Variants in MPP4 observed in about 807,000 individuals in gnomAD.
MPP4 encodes MAGUK p55 scaffold protein 4, also known as MAGUK p55 subfamily member 4.
A neutral mutation model predicts 98.3 loss-of-function variants in MPP4; 91 were observed. The ratio of observed to expected loss-of-function variants is 0.93; its 90% CI spans 0.78 to 1.10. MPP4 has a LOEUF of 1.10. Among genes scored for constraint, MPP4 ranks in the 50% least tolerant of loss-of-function variants. The pLI, the probability that MPP4 is intolerant of heterozygous loss-of-function variation, is 0.00. For synonymous variants in MPP4, 261 were observed against 271.8 expected (o/e 0.96, Z 0.39); for missense variants, 744 against 792.9 (o/e 0.94, Z 0.74).
chr2:201,690,578 A>AGGGTGTCT (rs1182799367), intron 3 of MPP4, among the ~76,000 whole-genome samples: 1 of 152,200 alleles, frequency 6.6e-6, no homozygotes. Flanking sequence ...GAGTGAGGGT[A>AGGGTGTCT]GGGTGTCTGG....
At chr2:201,650,473 C>A in intron 18 of MPP4, 1 of 985,338 alleles carries the variant, frequency 1.0e-6, no homozygotes, top group Non-Finnish European at 1.2e-6. Flanking sequence ...TATGTGTGAA[C>A]CTTTAGATGC....
intron 10 of MPP4, among the ~76,000 whole-genome samples, chr2:201,677,320 C>G (rs187418159): frequency 6.6e-6 from 1 of 152,190 alleles, no homozygotes; most frequent in Admixed American, 6.5e-5. Flanking sequence ...TGGAAAGTCA[C>G]GTCTACTTGC....
intron 18 of MPP4, chr2:201,651,427 T>C: frequency 1.0e-6 from 1 of 985,430 alleles, no homozygotes; most frequent in Non-Finnish European, 1.2e-6. Context: ...ATTATGTCAA[T>C]CTAAACCCAA....
At chr2:201,647,117 C>T (rs981908225) in intron 21 of MPP4, among the ~76,000 whole-genome samples, 10 of 115,456 alleles carry the variant, frequency 8.7e-5, no homozygotes, top group African/African-American at 2.2e-4. Context: ...AATATATGTA[C>T]GCAACCGGAA....
At position 201,654,867 on chromosome 2, in the gene MPP4, TA is replaced by T; in HGVS notation, c.1350del (p.Phe450LeufsTer22). On this transcript the variant is annotated frameshift_variant, in exon 18 of 22. Coordinates refer to ENST00000409474, the MANE Select transcript of MPP4 (RefSeq NM_033066.3). LOFTEE classifies it high-confidence loss of function. ...ACAGCACTTTGAAAATGGCTGGGATTAAATTCAATAAGTTGTCTTCTGAGCT... is the reference window on the plus strand; with the variant it reads ...ACAGCACTTTGAAAATGGCTGGGATTAATTCAATAAGTTGTCTTCTGAGCT... ...VNELRRQLIE[F>X]NPSHFQSAVP... is the part of the protein sequence containing the mutation. The T allele has an allele frequency of 1.2e-6, 2 of 1,605,240 alleles. No individual in the cohort carries two copies. The highest frequency in any genetic ancestry group is 1.1e-5 in the South Asian group (1 of 88,644).
chr2:201,657,007 T>A (rs918770774), intron 16 of MPP4, among the ~76,000 whole-genome samples: 4 of 152,034 alleles, frequency 2.6e-5, no homozygotes, highest in Non-Finnish European at 5.9e-5. Context: ...CCTCTGAAAG[T>A]GTTGGATTGT....
chr2:201,678,184 T>C (rs1464068348), intron 10 of MPP4, among the ~76,000 whole-genome samples: 1 of 152,112 alleles, frequency 6.6e-6, no homozygotes, highest in African/African-American at 2.4e-5. Context: ...AAGAAACCCA[T>C]AATTGGGTTT....
intron 8 of MPP4, among the ~76,000 whole-genome samples, chr2:201,681,800 T>A (rs1373772114): frequency 6.6e-6 from 1 of 151,842 alleles, no homozygotes; most frequent in African/African-American, 2.4e-5. Context: ...AAAGCCACAC[T>A]GAAGTGGCCT....
At chr2:201,668,917 A>C (rs1347239734) in intron 12 of MPP4, among the ~76,000 whole-genome samples, 1 of 151,866 alleles carries the variant, frequency 6.6e-6, no homozygotes, top group Non-Finnish European at 1.5e-5. Flanking sequence ...TGTGTCATAC[A>C]CCTTTTTTGT....
Position 201,656,289 on chromosome 2 carries a change from GC to G in MPP4, c.1208del (p.Gly403AlafsTer15), listed in dbSNP as rs768239801. The G allele has an allele frequency of 2.1e-5, 33 of 1,582,930 alleles. No individual in the cohort carries two copies. The highest frequency in any genetic ancestry group is 2.7e-5 in the Non-Finnish European group (32 of 1,164,142). ...SPLHASVCCT[G>X]SCYSAVGAPY... is the part of the protein sequence containing the mutation. The stretch of plus-strand genomic sequence containing the variant: ...GGGCACCCACTGCACTGTAGCAGCT[GC>G]CGGTGCAGCACACACTGGCATGCAG... On this transcript the variant is annotated frameshift_variant, in exon 17 of 22. Transcript: ENST00000409474. LOFTEE classifies it high-confidence loss of function.
At chr2:201,684,097 G>A (rs1213900002) in intron 7 of MPP4, among the ~76,000 whole-genome samples, 1 of 151,826 alleles carries the variant, frequency 6.6e-6, no homozygotes, top group Admixed American at 6.6e-5. Flanking sequence ...GTGTGCACCA[G>A]TGGACCCAGC....
At chr2:201,682,736 C>A (rs774211618) in intron 8 of MPP4, 95 bp downstream of exon 8, 1 of 1,037,698 alleles carries the variant, frequency 9.6e-7, no homozygotes, top group Non-Finnish European at 1.5e-6. Context: ...CTTGAGTCCC[C>A]GGTACATCCC....
chr2:201,674,999 CCCACTGAATAGCCA>C (rs1688462225), intron 11 of MPP4, 194 bp downstream of exon 11: 1 of 684,378 alleles, frequency 1.5e-6, no homozygotes, highest in African/African-American at 1.8e-5. Flanking sequence ...GTAGCAAGTG[CCCACTGAATAGCCA>C]CCACCCCCAC....
rs765571562 is a variant in MPP4 at position 201,647,757 on chromosome 2, C to G, written c.1653G>C (p.Arg551Ser). ...CATTTTTCCGAGATTGTTTCATACA[C>G]CTCATATTCGATGGCTTTATAAATA... The part of the protein sequence containing the change: ...YVIFIKPSNM[R>S]CMKQSRKNAK... Residue 551 changes from arginine to serine, a missense_variant, in exon 21 of 22, where the codon AGG (arginine) becomes AGC (serine). Physicochemically the swap from Arg to Ser is moderately radical, Grantham distance 110. Transcript: ENST00000409474. The G allele has an allele frequency of 9.9e-6, 16 of 1,613,922 alleles. 1 individual carries two copies. The South Asian group carries it at 1.8e-4, about 18-fold the overall frequency.
intron 4 of MPP4, 70 bp from the exon 5 acceptor site, chr2:201,687,441 G>T: frequency 8.4e-7 from 1 of 1,186,016 alleles, no homozygotes; most frequent in Non-Finnish European, 1.2e-6. Flanking sequence ...CCTCACCCAG[G>T]CTGGATAACA....
chr2:201,656,576 G>A (rs567430489), intron 16 of MPP4, among the ~76,000 whole-genome samples: 1 of 152,316 alleles, frequency 6.6e-6, no homozygotes, highest in Admixed American at 6.5e-5. Context: ...TCTGGGCCAG[G>A]CATTGTCTTG....
intron 7 of MPP4, 100 bp from the exon 8 acceptor site, chr2:201,683,016 G>A: frequency 2.5e-6 from 2 of 807,636 alleles, no homozygotes; most frequent in Non-Finnish European, 4.1e-6. Flanking sequence ...ACCCAAGCAT[G>A]CTCTAAAAAT....
chr2:201,645,158 G>A lies in MPP4; in HGVS notation c.*52C>T, dbSNP rs1687526007. ...ACTGTTGTTTTAGATTGCAACTATG[G>A]ATCGCTGTATCAAGGGTACAGTGTT... On this transcript the variant is annotated 3_prime_UTR_variant, in exon 22 of 22. Coordinates refer to ENST00000409474, the MANE Select transcript of MPP4 (RefSeq NM_033066.3). 1.4e-6 allele frequency: 2 copies of A among 1,439,668 alleles called. No homozygotes were observed. Among genetic ancestry groups the A allele is most frequent in the Admixed American group, 4.5e-5 (2 of 44,012 alleles). 89.2% of individuals were successfully genotyped at this position (1,439,668 alleles called of 1,614,324 possible).
intron 1 of MPP4, among the ~76,000 whole-genome samples, chr2:201,697,168 C>T (rs1384283617): frequency 2.6e-5 from 4 of 152,192 alleles, no homozygotes; most frequent in East Asian, 1.9e-4. Context: ...AGAGAACCCT[C>T]GCAAGAACCC....
Sources: allele counts gnomAD v4.1 joint callset (sites outside exome capture counted in the v4.1 genomes callset), GRCh38; gene constraint gnomAD v4.1.1; transcripts MANE v1.5; gene names NCBI Gene and HGNC (gene_info 2026-07-23, HGNC 2026-07-21).